The following TESK2 variants were observed in gnomAD, a reference collection of about 807,000 sequenced individuals.
TESK2 encodes testis associated actin remodelling kinase 2.
A neutral mutation model predicts 57.1 loss-of-function variants in TESK2; 39 were observed. The ratio of observed to expected loss-of-function variants is 0.68; its 90% confidence interval spans 0.53 to 0.89. The LOEUF (loss-of-function observed/expected upper bound fraction) is 0.89, where lower values mean the gene tolerates loss of function less well. Ranked by LOEUF, TESK2 falls within the 40% of genes least tolerant of loss-of-function variation. The pLI is 0.00. For synonymous variants in TESK2, 249 were observed against 267.9 expected (o/e 0.93, Z 0.69); for missense variants, 646 against 732.1 (o/e 0.88, Z 1.36).
intron 2 of TESK2, among the ~76,000 whole-genome samples, chr1:45,446,931 G>T (rs1359591676): frequency 6.6e-6 from 1 of 152,202 alleles, no homozygotes; most frequent in Non-Finnish European, 1.5e-5. Context: ...TTAAAATGGG[G>T]CCTCAGCCAG....
At chr1:45,446,575 TAG>T (rs1651656656) in intron 2 of TESK2, among the ~76,000 whole-genome samples, 2 of 151,992 alleles carry the variant, frequency 1.3e-5, no homozygotes, top group Non-Finnish European at 2.9e-5. Context: ...TTCCAGATCC[TAG>T]AGAAAGAACA....
At chr1:45,464,271 C>A (rs991601321) in intron 1 of TESK2, among the ~76,000 whole-genome samples, 10 of 151,872 alleles carry the variant, frequency 6.6e-5, no homozygotes, top group Non-Finnish European at 1.5e-4. Context: ...ACTAAAAATA[C>A]AAAAATTAGC....
At chr1:45,396,593 A>G (rs1161825175) in intron 3 of TESK2, among the ~76,000 whole-genome samples, 1 of 151,696 alleles carries the variant, frequency 6.6e-6, no homozygotes, top group East Asian at 1.9e-4. Flanking sequence ...GGTTCAAGCA[A>G]TTCTCCTGCC....
chr1:45,386,084 T>C, intron 3 of TESK2, 124 bp from the exon 4 acceptor site: 1 of 608,828 alleles, frequency 1.6e-6, no homozygotes, highest in Non-Finnish European at 2.9e-6. Context: ...ATGGCTTACA[T>C]CTGTAATCCC....
At chr1:45,352,540 G>A (rs188814654) in intron 5 of TESK2, among the ~76,000 whole-genome samples, 19 of 152,324 alleles carry the variant, frequency 1.2e-4, no homozygotes, top group African/African-American at 3.4e-4. Context: ...GGCTTTCCTC[G>A]AGGAAGCCTA....
intron 3 of TESK2, among the ~76,000 whole-genome samples, chr1:45,399,166 T>TTTTTTTTTA (rs1649494298): frequency 2.1e-5 from 3 of 142,798 alleles, no homozygotes; most frequent in African/African-American, 2.7e-5. Context: ...TTTTTTTTTT[T>TTTTTTTTTA]GAGACAAGGT....
intron 3 of TESK2, among the ~76,000 whole-genome samples, 160 bp from the exon 4 acceptor site, chr1:45,386,120 G>C (rs567685951): frequency 1.3e-5 from 2 of 151,992 alleles, no homozygotes; most frequent in Non-Finnish European, 2.9e-5. Flanking sequence ...AGAGGTGTGC[G>C]GATCACCTGA....
At chr1:45,472,622 C>A (rs1652815910) in intron 1 of TESK2, among the ~76,000 whole-genome samples, 1 of 151,566 alleles carries the variant, frequency 6.6e-6, no homozygotes, top group African/African-American at 2.4e-5. Flanking sequence ...CCAGATGACT[C>A]CAAGTTTAAC....
chr1:45,352,746 T>G (rs557715288), intron 5 of TESK2, among the ~76,000 whole-genome samples: 88 of 152,246 alleles, frequency 5.8e-4, no homozygotes, highest in African/African-American at 1.8e-3. Context: ...TGTGTGTGTG[T>G]GTGGGGGGAG....
intron 1 of TESK2, among the ~76,000 whole-genome samples, chr1:45,481,011 CA>C (rs1327130042): frequency 1.4e-5 from 2 of 147,540 alleles, no homozygotes; most frequent in African/African-American, 2.5e-5. Flanking sequence ...TATATATAAC[CA>C]AAAAAAAAGA....
chr1:45,444,829 A>C (rs1352989979), intron 2 of TESK2, among the ~76,000 whole-genome samples: 4 of 152,226 alleles, frequency 2.6e-5, no homozygotes, highest in African/African-American at 9.6e-5. Flanking sequence ...AATTTAGCTC[A>C]TGGTTTAACT....
intron 4 of TESK2, among the ~76,000 whole-genome samples, chr1:45,357,873 C>T (rs915821732): frequency 5.3e-5 from 8 of 151,734 alleles, no homozygotes; most frequent in South Asian, 4.2e-4. Flanking sequence ...GGCATGGTGG[C>T]GCATGCGTGT....
Position 45,355,288 on chromosome 1 carries a change from G to T in TESK2, c.540+15C>A, listed in dbSNP as rs552197014. 3.1e-6 allele frequency: 5 copies of T among 1,613,310 alleles called. No homozygotes were observed. The African/African-American group carries it at 6.7e-5, about 22-fold the overall frequency. ...TGGTATCTCTCAATGAGTTGTGAGA[G>T]TAAAGCCTTCATACCTTAGATGTGA... On this transcript the variant is annotated intron_variant, in intron 5 of 10. Coordinates refer to ENST00000372086, the MANE Select transcript of TESK2 (RefSeq NM_007170.3).
intron 3 of TESK2, among the ~76,000 whole-genome samples, chr1:45,402,195 G>A (rs555805541): frequency 3.2e-4 from 49 of 151,696 alleles, no homozygotes; most frequent in African/African-American, 1.1e-3. Flanking sequence ...TTCAGGACCA[G>A]TCTGGGCAAC....
intron 3 of TESK2, among the ~76,000 whole-genome samples, chr1:45,403,882 GAAAAAAAAA>G (rs562862639): frequency 1.2e-5 from 1 of 84,880 alleles, no homozygotes; most frequent in Admixed American, 1.3e-4. Context: ...CCATGCAAGC[GAAAAAAAAA>G]AAAAAAAACA....
At chr1:45,405,704 TAC>T (rs895506710) in intron 3 of TESK2, among the ~76,000 whole-genome samples, 2 of 150,592 alleles carry the variant, frequency 1.3e-5, no homozygotes. Context: ...TACATATATA[TAC>T]ACACACACAC....
chr1:45,483,713 G>C (rs1183226811), intron 1 of TESK2, among the ~76,000 whole-genome samples: 1 of 151,968 alleles, frequency 6.6e-6, no homozygotes, highest in Non-Finnish European at 1.5e-5. Context: ...AATTATATTT[G>C]GGGCCAAGGC....
At position 45,345,535 on chromosome 1, in the gene TESK2, C is replaced by T; in HGVS notation, c.1021G>A (p.Val341Met). 3 of 1,613,836 alleles carry T rather than the reference C, an allele frequency of 1.9e-6. No individual in the cohort carries two copies. The highest frequency in any genetic ancestry group is 2.5e-6 in the Non-Finnish European group (3 of 1,179,880). ...TCATCCAGTGAGCTTAGTCGCTTCA[C>T]CCCAGGTGCTTTCTCCAAGAGTCCT... The part of the protein sequence containing the change: ...ARGLLEKAPG[V>M]KRLSSLDDKI... The change falls in exon 11 of 11, where the codon GTG becomes ATG. Residue 341 changes from valine (V) to methionine (M), a missense_variant. By Grantham distance (21) the Val-to-Met change is conservative. Coordinates refer to ENST00000372086, the MANE Select transcript of TESK2 (RefSeq NM_007170.3).
In TESK2 at chr1:45,344,665, C is replaced by A; in HGVS notation, c.*175G>T. On this transcript the variant is annotated 3_prime_UTR_variant, in exon 11 of 11. Transcript: ENST00000372086. Reference sequence around the variant, plus strand: ...TGGCCCTAACTAGGAAGGCCTCTCACTGCTGCCTCCCGTCATACACAGCCA... The same window carrying A: ...TGGCCCTAACTAGGAAGGCCTCTCAATGCTGCCTCCCGTCATACACAGCCA... 1 of 625,388 alleles carries A rather than the reference C, an allele frequency of 1.6e-6. No individual in the cohort carries two copies. The allele number at this position is 625,388 out of a possible 1,614,324, so 38.7% of individuals were successfully genotyped here.
Sources: allele counts gnomAD v4.1 joint callset (sites outside exome capture counted in the v4.1 genomes callset), GRCh38; gene constraint gnomAD v4.1.1; transcripts MANE v1.5; gene names NCBI Gene and HGNC (gene_info 2026-07-23, HGNC 2026-07-21).